ZGRF1: variants seen among roughly 807,000 people sequenced by gnomAD.
ZGRF1 encodes zinc finger GRF-type containing 1.
A neutral mutation model predicts 203.5 loss-of-function variants in ZGRF1; 196 were observed. That is an observed-to-expected ratio of 0.96 (90% CI 0.86 to 1.08). The LOEUF (loss-of-function observed/expected upper bound fraction) is 1.08. Ranked by LOEUF, ZGRF1 falls within the 50% of genes least tolerant of loss-of-function variation. ZGRF1 has a pLI of 0.00. For synonymous variants in ZGRF1, 809 were observed against 841.3 expected (o/e 0.96, Z 0.66); for missense variants, 2,326 against 2,416.3 (o/e 0.96, Z 0.78).
rs1276130056 is a variant in ZGRF1 at position 112,585,683 on chromosome 4, T to C, written c.3959A>G (p.Gln1320Arg). 1 of 1,607,526 alleles carries C rather than the reference T, an allele frequency of 6.2e-7. No individual in the cohort carries two copies. Among genetic ancestry groups the C allele is most frequent in the Admixed American group, 1.7e-5 (1 of 59,300 alleles). Residue 1320 changes from glutamine to arginine, a missense_variant, in exon 14 of 28, where the codon CAG becomes CGG. Physicochemically the swap from Gln to Arg is conservative, Grantham distance 43. Transcript: ENST00000505019. ...ILLFGLAQNL[Q>R]KALSKVDISF... ...TATGTCAACTTTTGAAAGAGCTTTC[T>C]GCAGGTTTTGTGCTAACCCAAACAG...
At chr4:112,607,351 C>G (rs188928477) in intron 8 of ZGRF1, among the ~76,000 whole-genome samples, 2 of 152,134 alleles carry the variant, frequency 1.3e-5, no homozygotes, top group Non-Finnish European at 2.9e-5. Context: ...CCACACTGAT[C>G]TCAAACTCCT....
In ZGRF1 at chr4:112,547,383, C is replaced by A. The variant is rs1476930091; in HGVS notation, c.5500G>T (p.Val1834Phe). ...ARFECEKLIL[V>F]GDPKQLPPTI... ...GGAGGTAGCTGTTTGGGATCCCCAA[C>A]AAGAATCAGCTTTTCACACTCAAAC... The change falls in exon 24 of 28, where the codon GTT becomes TTT. Residue 1834 changes from valine (V) to phenylalanine (F), a missense_variant. Val to Phe is a conservative substitution (Grantham distance 50). Transcript: ENST00000505019. The A allele has an allele frequency of 6.2e-7, 1 of 1,611,832 alleles. No homozygotes were observed.
chr4:112,602,480 T>G (rs1341702177), intron 10 of ZGRF1, among the ~76,000 whole-genome samples: 4 of 152,354 alleles, frequency 2.6e-5, no homozygotes, highest in Admixed American at 2.6e-4. Context: ...TTTTGCATTA[T>G]GTACTAAAAG....
At chr4:112,629,914 GA>G in intron 3 of ZGRF1, 1 of 298,162 alleles carries the variant, frequency 3.4e-6, no homozygotes, top group Non-Finnish European at 6.8e-6. Flanking sequence ...AGCTACTCAG[GA>G]GGCTGAGGCA....
intron 8 of ZGRF1, among the ~76,000 whole-genome samples, chr4:112,606,693 G>A (rs2149108093): frequency 6.6e-6 from 1 of 151,484 alleles, no homozygotes. Flanking sequence ...AAAAATGCCA[G>A]GTACATAATA....
intron 22 of ZGRF1, among the ~76,000 whole-genome samples, chr4:112,553,128 C>T (rs1274034319): frequency 6.6e-6 from 1 of 152,232 alleles, no homozygotes; most frequent in Non-Finnish European, 1.5e-5. Context: ...TCTCAACTCT[C>T]TAGCAGAAAG....
At chr4:112,604,761 T>C (rs1750524178) in intron 9 of ZGRF1, among the ~76,000 whole-genome samples, 1 of 152,216 alleles carries the variant, frequency 6.6e-6, no homozygotes, top group South Asian at 2.1e-4. Context: ...CAGTCTGTTT[T>C]CAGGCTTCAA....
Position 112,586,520 on chromosome 4 carries a change from G to C in ZGRF1, c.3841C>G (p.Gln1281Glu), listed in dbSNP as rs774333512. ...GQKIKSAYLPQRQIHIPAVFQ... is the reference protein window; with the variant it reads ...GQKIKSAYLPERQIHIPAVFQ... ...ACAGCTGGTATGTGAATTTGCCTTT[G>C]GGGAAGATAAGCAGATTTTATTTTC... The change falls in exon 13 of 28, where the codon CAA (glutamine) becomes GAA (glutamate). Residue 1281 changes from glutamine to glutamate, a missense_variant. By Grantham distance (29) the Gln-to-Glu change is conservative. Coordinates refer to ENST00000505019, the MANE Select transcript of ZGRF1 (RefSeq NM_018392.5). 1 of 1,613,120 alleles carries C rather than the reference G, an allele frequency of 6.2e-7. No homozygotes were observed. The highest frequency in any genetic ancestry group is 8.5e-7 in the Non-Finnish European group (1 of 1,179,420).
At chr4:112,604,271 A>G (rs1750429981) in intron 9 of ZGRF1, among the ~76,000 whole-genome samples, 2 of 152,200 alleles carry the variant, frequency 1.3e-5, no homozygotes, top group East Asian at 1.9e-4. Flanking sequence ...AAACAAATGA[A>G]TAAGTATAAT....
Position 112,612,145 on chromosome 4 carries a change from T to C in ZGRF1, c.2667+379A>G, listed in dbSNP as rs144047107. ...CATGCCTGGCTAATTTTTGTGTTTTTAGTAGAGATGGGGTTTCACCACATC... is the reference window on the plus strand; with the variant it reads ...CATGCCTGGCTAATTTTTGTGTTTTCAGTAGAGATGGGGTTTCACCACATC... On this transcript the variant is annotated intron_variant, in intron 7 of 27. Transcript: ENST00000505019. Among the ~76,000 whole-genome samples, 46 of 152,248 alleles carry C rather than the reference T, an allele frequency of 3.0e-4. No individual in the cohort carries two copies. The East Asian group carries it at 8.5e-3, about 28-fold the overall frequency.
chr4:112,581,830 A>G (rs1746315614), intron 15 of ZGRF1, 28 bp from the exon 16 acceptor site: 1 of 1,180,790 alleles, frequency 8.5e-7, no homozygotes, highest in Non-Finnish European at 1.1e-6. Context: ...AATAAAAATG[A>G]ATTGTAATAT....
chr4:112,626,171 A>C (rs941917567), intron 3 of ZGRF1, among the ~76,000 whole-genome samples: 1 of 152,222 alleles, frequency 6.6e-6, no homozygotes, highest in Non-Finnish European at 1.5e-5. Context: ...TGCCAAATTT[A>C]AATTGTGCTA....
chr4:112,544,128 T>C (rs1189926078), intron 24 of ZGRF1, among the ~76,000 whole-genome samples: 2 of 152,166 alleles, frequency 1.3e-5, no homozygotes, highest in African/African-American at 4.8e-5. Context: ...AATTAACAGC[T>C]CAAGACAACT....
At chr4:112,590,890 A>G (rs192684172) in intron 10 of ZGRF1, among the ~76,000 whole-genome samples, 339 of 147,384 alleles carry the variant, frequency 2.3e-3, no homozygotes, top group African/African-American at 8.2e-3. Context: ...ACGCCATTAC[A>G]CTCCAGCCTA....
intron 10 of ZGRF1, among the ~76,000 whole-genome samples, chr4:112,595,539 C>T (rs2149061373): frequency 6.6e-6 from 1 of 152,110 alleles, no homozygotes; most frequent in South Asian, 2.1e-4. Context: ...TAGTGAGAGC[C>T]AGTCTCTACA....
At chr4:112,559,154 G>A (rs557062239) in intron 19 of ZGRF1, among the ~76,000 whole-genome samples, 1 of 152,306 alleles carries the variant, frequency 6.6e-6, no homozygotes, top group South Asian at 2.1e-4. Flanking sequence ...TTATCTTAAA[G>A]GCCAGCAGAT....
At position 112,618,061 on chromosome 4, in the gene ZGRF1, CTTCT is replaced by C. The variant is rs776792661; in HGVS notation, c.1977_1980del (p.Glu660MetfsTer25). 8 of 1,613,574 alleles carry C rather than the reference CTTCT, an allele frequency of 5.0e-6. No homozygotes were observed. The Admixed American group carries it at 8.3e-5, about 17-fold the overall frequency. Reference sequence around the variant, plus strand: ...ACTTCTTGAATAGGTTTATTAGCATCTTCTTTATTATCTCCGTATACAGCATCAG... The same window carrying C: ...ACTTCTTGAATAGGTTTATTAGCATCTTATTATCTCCGTATACAGCATCAG... On this transcript the variant is annotated frameshift_variant, in exon 6 of 28. Coordinates refer to ENST00000505019, the MANE Select transcript of ZGRF1 (RefSeq NM_018392.5). LOFTEE classifies it high-confidence loss of function.
intron 16 of ZGRF1, among the ~76,000 whole-genome samples, chr4:112,579,204 T>TTTGACAAAA (rs1745768833): frequency 8.1e-6 from 1 of 123,060 alleles, no homozygotes; most frequent in African/African-American, 2.8e-5. Context: ...AGAAAAGGCC[T>TTTGACAAAA]TTGACAAAAT....
At chr4:112,600,259 C>T (rs1292979255) in intron 10 of ZGRF1, among the ~76,000 whole-genome samples, 4 of 152,088 alleles carry the variant, frequency 2.6e-5, no homozygotes. Flanking sequence ...GTCTTGAATT[C>T]CTTGCCTTAA....
Sources: allele counts gnomAD v4.1 joint callset (sites outside exome capture counted in the v4.1 genomes callset), GRCh38; gene constraint gnomAD v4.1.1; transcripts MANE v1.5; gene names NCBI Gene and HGNC (gene_info 2026-07-23, HGNC 2026-07-21).